The following SEH1L variants were observed in gnomAD, a reference collection of about 807,000 sequenced individuals.
SEH1L encodes the protein nucleoporin SEH1.
In SEH1L, 18 loss-of-function variants were observed where a neutral mutation model predicts 49.5. The observed-to-expected ratio is 0.36, with a 90% CI of 0.25 to 0.54. The LOEUF (loss-of-function observed/expected upper bound fraction) is 0.54. Among genes scored for constraint, SEH1L ranks in the 20% least tolerant of loss-of-function variants. The probability of loss-of-function intolerance (pLI) is 0.87; values close to 1 mark genes in which losing one functional copy is unlikely to be tolerated. For missense variants in SEH1L, 404 were observed against 528.8 expected (o/e 0.76, Z 2.31); for synonymous variants, 169 against 178.1 (o/e 0.95, Z 0.41).
chr18:12,971,357 G>A, intron 5 of SEH1L, 106 bp downstream of exon 5: 1 of 762,852 alleles, frequency 1.3e-6, no homozygotes, highest in South Asian at 1.7e-5. Context: ...TCATATGTTT[G>A]CTGATTTACT....
chr18:12,986,821 T>C, intron 8 of SEH1L, 41 bp from the exon 9 acceptor site: 1 of 1,348,030 alleles, frequency 7.4e-7, no homozygotes, highest in Non-Finnish European at 9.6e-7. Flanking sequence ...TTTCCTGTTT[T>C]TGTTTTGTTT....
intron 5 of SEH1L, chr18:12,976,506 C>T (rs1289158728): frequency 6.6e-6 from 1 of 152,334 alleles, no homozygotes; most frequent in Non-Finnish European, 1.5e-5. Context: ...TGCTGAAGGT[C>T]GTTACAGCCT....
intron 8 of SEH1L, chr18:12,985,599 G>A (rs1185116075): frequency 3.6e-5 from 38 of 1,054,754 alleles, no homozygotes; most frequent in South Asian, 9.0e-5. Flanking sequence ...GGGAGGAGGG[G>A]AATACCACTT....
intron 1 of SEH1L, among the ~76,000 whole-genome samples, chr18:12,950,615 A>G (rs1221799129): frequency 1.3e-5 from 2 of 151,978 alleles, no homozygotes; most frequent in Non-Finnish European, 2.9e-5. Context: ...ATTTTGAATG[A>G]TTTTCTTAGG....
chr18:12,964,196 A>G, intron 4 of SEH1L, among the ~76,000 whole-genome samples: 1 of 152,214 alleles, frequency 6.6e-6, no homozygotes, highest in East Asian at 1.9e-4. Flanking sequence ...CAATTATAAG[A>G]ATCACTTGGT....
chr18:12,961,754 C>T (rs544332468), intron 3 of SEH1L, among the ~76,000 whole-genome samples: 1 of 152,074 alleles, frequency 6.6e-6, no homozygotes, highest in Non-Finnish European at 1.5e-5. Flanking sequence ...GCAGCCTCCG[C>T]CGACCACACT....
At position 12,967,466 on chromosome 18, in the gene SEH1L, C is replaced by A. The variant is rs201293996; in HGVS notation, c.522-3687C>A. Among the ~76,000 whole-genome samples the A allele has an allele frequency of 2.0e-5, 3 of 152,094 alleles. No homozygotes were observed. In the East Asian group the frequency reaches 5.8e-4, roughly 29 times the overall value. On this transcript the variant is annotated intron_variant, in intron 4 of 8. Coordinates refer to ENST00000399892, the MANE Select transcript of SEH1L (RefSeq NM_001013437.2). Reference sequence around the variant, plus strand: ...ACTATGAAATCACTTTTAAAAAACACAAAAATGTGAAAAACGTGAGGCGAA... The same window carrying A: ...ACTATGAAATCACTTTTAAAAAACAAAAAAATGTGAAAAACGTGAGGCGAA...
At chr18:12,958,064 C>CTTTTTTTTTT (rs57733399) in intron 3 of SEH1L, among the ~76,000 whole-genome samples, 21 of 62,046 alleles carry the variant, frequency 3.4e-4, no homozygotes, top group East Asian at 5.5e-4. Flanking sequence ...CTCATTTTAA[C>CTTTTTTTTTT]TTTTTTTTTT....
At chr18:12,959,907 G>A (rs574504556) in intron 3 of SEH1L, among the ~76,000 whole-genome samples, 26 of 152,318 alleles carry the variant, frequency 1.7e-4, no homozygotes, top group African/African-American at 6.3e-4. Context: ...GGTACTTGGA[G>A]ATAGAGAAAG....
intron 1 of SEH1L, among the ~76,000 whole-genome samples, chr18:12,950,776 T>A (rs1257255045): frequency 6.6e-6 from 1 of 152,184 alleles, no homozygotes; most frequent in East Asian, 1.9e-4. Flanking sequence ...ACAGGTGAAA[T>A]TGGCACCTTC....
chr18:12,960,368 C>A (rs901256891), intron 3 of SEH1L, among the ~76,000 whole-genome samples: 10 of 152,230 alleles, frequency 6.6e-5, no homozygotes, highest in Admixed American at 2.0e-4. Context: ...AGCACCATTT[C>A]TTGAAAAGAC....
rs758698474 is a variant in SEH1L at position 12,982,662 on chromosome 18, A to G, written c.906A>G (p.Val302=). 6.2e-7 allele frequency: 1 copy of G among 1,608,750 alleles called. No individual in the cohort carries two copies. Among genetic ancestry groups the G allele is most frequent in the Non-Finnish European group, 8.5e-7 (1 of 1,177,446 alleles). ...VLASSGDDGC[V]RLWKANYMDN... is the part of the protein sequence containing the mutation. ...CATCTTCAGGAGATGATGGGTGTGT[A>G]AGATTGTGGAAAGGTAAGAGTTCAG... Residue 302 remains valine (V), a synonymous_variant, in exon 7 of 9, where the codon GTA becomes GTG. Coordinates refer to ENST00000399892, the MANE Select transcript of SEH1L (RefSeq NM_001013437.2).
intron 3 of SEH1L, among the ~76,000 whole-genome samples, chr18:12,962,459 C>CCTTTTTT (rs2031225221): frequency 1.6e-5 from 1 of 63,662 alleles, no homozygotes; most frequent in African/African-American, 6.7e-5. Flanking sequence ...GCATGCCTTT[C>CCTTTTTT]TTTTTTTTTT....
At chr18:12,985,698 GAATA>G in intron 8 of SEH1L, 4 of 948,646 alleles carry the variant, frequency 4.2e-6, no homozygotes, top group South Asian at 4.9e-5. Flanking sequence ...TTTGAAGATT[GAATA>G]AATATTTTTT....
At chr18:12,965,077 A>G (rs112302826) in intron 4 of SEH1L, among the ~76,000 whole-genome samples, 56 of 110,254 alleles carry the variant, frequency 5.1e-4, no homozygotes, top group African/African-American at 2.1e-3. Flanking sequence ...GCAGTGGCGC[A>G]ATCTAGGCTC....
intron 2 of SEH1L, among the ~76,000 whole-genome samples, chr18:12,953,655 G>A (rs1311061609): frequency 6.6e-6 from 1 of 151,788 alleles, no homozygotes; most frequent in African/African-American, 2.4e-5. Context: ...TCTATCCAAG[G>A]TCCCCCCCCC....
chr18:12,971,013 A>T, intron 4 of SEH1L, 140 bp from the exon 5 acceptor site: 1 of 610,722 alleles, frequency 1.6e-6, no homozygotes, highest in Non-Finnish European at 3.0e-6. Flanking sequence ...CATGTCAGCT[A>T]TGTGGCAGAG....
chr18:12,985,546 T>A, intron 8 of SEH1L: 1 of 1,164,414 alleles, frequency 8.6e-7, no homozygotes, highest in Non-Finnish European at 1.1e-6. Flanking sequence ...CTAATTTGGG[T>A]TTAAAGATTA....
At position 12,978,694 on chromosome 18, in the gene SEH1L, G is replaced by T. The variant is rs564856441; in HGVS notation, c.621-58G>T. On this transcript the variant is annotated intron_variant, in intron 5 of 8. Transcript: ENST00000399892. Reference sequence around the variant, plus strand: ...TGAAAAAAAGGTGAGATGCAGTGATGTGTGGATTTTTGCACATTTTATTTC... The same window carrying T: ...TGAAAAAAAGGTGAGATGCAGTGATTTGTGGATTTTTGCACATTTTATTTC... The T allele has an allele frequency of 6.3e-6, 9 of 1,426,694 alleles. No individual in the cohort carries two copies. In the South Asian group the frequency reaches 1.0e-4, roughly 17 times the overall value. The allele number at this position is 1,426,694 out of a possible 1,614,324, so 88.4% of individuals were successfully genotyped here.
Sources: allele counts gnomAD v4.1 joint callset (sites outside exome capture counted in the v4.1 genomes callset), GRCh38; gene constraint gnomAD v4.1.1; transcripts MANE v1.5; gene names NCBI Gene and HGNC (gene_info 2026-07-23, HGNC 2026-07-21).